The following GRIP2 variants were observed in gnomAD, a reference collection of about 807,000 sequenced individuals.
GRIP2 encodes glutamate receptor-interacting protein 2.
In GRIP2, 58 loss-of-function variants were observed where a neutral mutation model predicts 108.3. The ratio of observed to expected loss-of-function variants is 0.54; its 90% confidence interval spans 0.43 to 0.67. The LOEUF is 0.67. Ranked by LOEUF, GRIP2 falls within the 30% of genes least tolerant of loss-of-function variation. GRIP2 has a pLI of 0.00. For synonymous variants in GRIP2, 586 were observed against 598.2 expected (o/e 0.98, Z 0.30); for missense variants, 1,278 against 1,430.6 (o/e 0.89, Z 1.72).
chr3:14,520,304 G>A (rs545974618), intron 8 of GRIP2, 25 bp from the exon 9 acceptor site: 48 of 1,611,876 alleles, frequency 3.0e-5, no homozygotes, highest in Non-Finnish European at 3.1e-5. Flanking sequence ...GAGTGAAGGC[G>A]GAGGCTGGTC....
At chr3:14,558,693 C>G (rs887985547), upstream of GRIP2, among the ~76,000 whole-genome samples, 5 of 152,126 alleles carry the variant, frequency 3.3e-5, no homozygotes, top group African/African-American at 1.2e-4. Context: ...TCCAGACCTG[C>G]ATAGGGAGGT....
At chr3:14,513,134 C>T (rs1249401939) in intron 13 of GRIP2, among the ~76,000 whole-genome samples, 1 of 152,190 alleles carries the variant, frequency 6.6e-6, no homozygotes, top group East Asian at 1.9e-4. Flanking sequence ...GAGCTCCCCA[C>T]AGCCTAACAA....
At chr3:14,528,129 C>T (rs1469938878) in intron 1 of GRIP2, among the ~76,000 whole-genome samples, 2 of 152,196 alleles carry the variant, frequency 1.3e-5, no homozygotes, top group Admixed American at 6.5e-5. Flanking sequence ...ATCTTGTCTT[C>T]TCCAGAATGT....
At chr3:14,555,850 C>G (rs561465669) in intron 1 of GRIP2, 13 of 398,812 alleles carry the variant, frequency 3.3e-5, no homozygotes, top group Non-Finnish European at 5.7e-5. Context: ...AGGCAGGGAG[C>G]CTGGGAAGTC....
chr3:14,546,162 C>T (rs1034772480), upstream of GRIP2, among the ~76,000 whole-genome samples: 1 of 152,136 alleles, frequency 6.6e-6, no homozygotes, highest in African/African-American at 2.4e-5. Flanking sequence ...GACTGCTCTG[C>T]AGTAACTGCC....
At chr3:14,514,509 G>A in intron 11 of GRIP2, 31 bp from the exon 12 acceptor site, 1 of 1,510,848 alleles carries the variant, frequency 6.6e-7, no homozygotes. Flanking sequence ...GCATTCAGGT[G>A]AGCCGCCCCA....
At chr3:14,578,136 AG>A in the GRIP2 span, among the ~76,000 whole-genome samples, 1 of 152,194 alleles carries the variant, frequency 6.6e-6, no homozygotes, top group Non-Finnish European at 1.5e-5. Flanking sequence ...TCTGAAGCTG[AG>A]CCTTTGGGAA....
chr3:14,584,252 G>A, the GRIP2 span, among the ~76,000 whole-genome samples: 11 of 152,122 alleles, frequency 7.2e-5, no homozygotes, highest in African/African-American at 2.2e-4. Flanking sequence ...GGTCCAGGCC[G>A]GTCCCATAAC....
the GRIP2 span, among the ~76,000 whole-genome samples, chr3:14,567,167 G>A: frequency 6.6e-6 from 1 of 152,192 alleles, no homozygotes; most frequent in African/African-American, 2.4e-5. Flanking sequence ...GTTTGGGGCA[G>A]ATTCTTATGC....
chr3:14,577,999 A>G, the GRIP2 span, among the ~76,000 whole-genome samples: 2 of 152,232 alleles, frequency 1.3e-5, no homozygotes, highest in Admixed American at 1.3e-4. Flanking sequence ...TCCCTGGCTC[A>G]GCCTTCAGGC....
At chr3:14,579,196 G>C in the GRIP2 span, among the ~76,000 whole-genome samples, 2 of 152,158 alleles carry the variant, frequency 1.3e-5, no homozygotes, top group African/African-American at 4.8e-5. Context: ...AGAGACAAAA[G>C]ATATCCATGC....
At chr3:14,517,616 C>T (rs1694290583) in intron 10 of GRIP2, among the ~76,000 whole-genome samples, 156 bp downstream of exon 10, 1 of 151,306 alleles carries the variant, frequency 6.6e-6, no homozygotes, top group Non-Finnish European at 1.5e-5. Flanking sequence ...ATCCTCCCGC[C>T]TCAGCCTCCC....
At chr3:14,589,643 A>AC in the GRIP2 span, among the ~76,000 whole-genome samples, 121 of 152,228 alleles carry the variant, frequency 7.9e-4, 1 homozygote, top group African/African-American at 2.9e-3. Flanking sequence ...TGGAGAAGGA[A>AC]CGGCCGGGTC....
At chr3:14,523,543 G>T in intron 5 of GRIP2, 69 bp downstream of exon 5, 1 of 971,010 alleles carries the variant, frequency 1.0e-6, no homozygotes, top group Non-Finnish European at 1.6e-6. Flanking sequence ...AATCCAAACA[G>T]CACACACATG....
upstream of GRIP2, among the ~76,000 whole-genome samples, chr3:14,545,860 C>T (rs1412802573): frequency 6.6e-6 from 1 of 152,244 alleles, no homozygotes; most frequent in Non-Finnish European, 1.5e-5. Flanking sequence ...CAGAGGTCAG[C>T]TGGGCCAGAC....
intron 17 of GRIP2, among the ~76,000 whole-genome samples, chr3:14,509,507 G>A (rs970772849): frequency 5.9e-5 from 9 of 152,220 alleles, no homozygotes; most frequent in African/African-American, 1.4e-4. Flanking sequence ...CACAGCAGGC[G>A]CTCCAAATAG....
chr3:14,576,853 C>T, the GRIP2 span, among the ~76,000 whole-genome samples: 1 of 152,210 alleles, frequency 6.6e-6, no homozygotes, highest in Non-Finnish European at 1.5e-5. Context: ...CCTGCACAAA[C>T]CCCATCAACC....
At chr3:14,583,580 C>T in the GRIP2 span, among the ~76,000 whole-genome samples, 3 of 152,254 alleles carry the variant, frequency 2.0e-5, no homozygotes, top group South Asian at 4.1e-4. Flanking sequence ...GAAAGCCCAG[C>T]GCCTCCTAAC....
intron 1 of GRIP2, among the ~76,000 whole-genome samples, chr3:14,536,386 C>G (rs1694833961): frequency 6.6e-6 from 1 of 152,198 alleles, no homozygotes; most frequent in East Asian, 1.9e-4. Flanking sequence ...CACAACAGAC[C>G]ATGCCCTGAA....
Sources: gnomAD v4.1 joint callset for allele counts (sites outside exome capture counted in the v4.1 genomes callset) on GRCh38, gnomAD v4.1.1 for gene constraint, MANE v1.5 for transcripts, NCBI Gene and HGNC (gene_info 2026-07-23, HGNC 2026-07-21) for gene names.